Variants in PRRX2 observed in about 807,000 individuals in gnomAD.
PRRX2 encodes the protein paired mesoderm homeobox protein 2.
In PRRX2, 11 loss-of-function variants were observed where a neutral mutation model predicts 18.0. That is an observed-to-expected ratio of 0.61 (90% confidence interval 0.39 to 1.01). The LOEUF is 1.01. Among genes scored for constraint, PRRX2 ranks in the 50% least tolerant of loss-of-function variants. The pLI is 0.01. For synonymous variants in PRRX2, 177 were observed against 154.8 expected (o/e 1.14, Z -1.06); for missense variants, 387 against 351.0 (o/e 1.10, Z -0.82).
chr9:129,716,101 G>A (rs1832703882), intron 1 of PRRX2, among the ~76,000 whole-genome samples: 2 of 152,162 alleles, frequency 1.3e-5, no homozygotes, highest in Non-Finnish European at 2.9e-5. Context: ...CCCGGCCGGT[G>A]GGAATGCAAA....
intron 1 of PRRX2, among the ~76,000 whole-genome samples, chr9:129,714,826 C>T (rs1832681956): frequency 6.6e-6 from 1 of 152,144 alleles, no homozygotes; most frequent in Non-Finnish European, 1.5e-5. Context: ...GGCTGAAATG[C>T]CTCCTGTGTT....
At chr9:129,714,808 C>T (rs1484237999) in intron 1 of PRRX2, among the ~76,000 whole-genome samples, 1 of 152,180 alleles carries the variant, frequency 6.6e-6, no homozygotes, top group Non-Finnish European at 1.5e-5. Context: ...GAAAATGTCT[C>T]CTTTTTTGGC....
chr9:129,697,560 A>G (rs1267985294), intron 1 of PRRX2, among the ~76,000 whole-genome samples: 2 of 151,032 alleles, frequency 1.3e-5, no homozygotes, highest in Non-Finnish European at 3.0e-5. Context: ...TGGCGCGCAC[A>G]TGGCCGGGCT....
rs1165343797 is a variant in PRRX2 at position 129,684,532 on chromosome 9, A to ACACACACACACACACACACACACC, written c.259+18407_259+18408insACACACACACACACACACACACCC. ...CACACACACACACACACCCACACAC[A>ACACACACACACACACACACACACC]CCCCAACAGAAAAGAGACCAGAAAT... On this transcript the variant is annotated intron_variant, in intron 1 of 3. Coordinates refer to ENST00000372469, the MANE Select transcript of PRRX2 (RefSeq NM_016307.4). Among the ~76,000 whole-genome samples, 163 of 140,354 alleles carry ACACACACACACACACACACACACC rather than the reference A, an allele frequency of 1.2e-3. 3 individuals carry two copies. The highest frequency in any genetic ancestry group is 1.8e-3 in the Non-Finnish European group (120 of 65,776). 92.1% of individuals were successfully genotyped at this position (140,354 alleles called of 152,430 possible).
intron 1 of PRRX2, chr9:129,718,477 C>T (rs559929344): frequency 2.0e-5 from 3 of 152,342 alleles, no homozygotes; most frequent in African/African-American, 7.2e-5. Flanking sequence ...CCCCGGCCCC[C>T]AGTACAGCCT....
chr9:129,677,326 G>T (rs1411390301), intron 1 of PRRX2, among the ~76,000 whole-genome samples: 3 of 152,250 alleles, frequency 2.0e-5, no homozygotes, highest in African/African-American at 7.2e-5. Flanking sequence ...GGCTTAGAAG[G>T]ATAAAGTGAC....
intron 1 of PRRX2, among the ~76,000 whole-genome samples, chr9:129,678,352 A>G (rs971284649): frequency 5.9e-5 from 9 of 152,052 alleles, no homozygotes; most frequent in Non-Finnish European, 1.3e-4. Context: ...TCCTTCCACA[A>G]ATATTGTTGA....
At chr9:129,699,471 G>GTA (rs1554724075) in intron 1 of PRRX2, among the ~76,000 whole-genome samples, 1 of 148,586 alleles carries the variant, frequency 6.7e-6, no homozygotes, top group African/African-American at 2.5e-5. Context: ...GTGTGTGTGT[G>GTA]TATACATATA....
chr9:129,712,394 A>G (rs1832635657), intron 1 of PRRX2, among the ~76,000 whole-genome samples: 1 of 152,196 alleles, frequency 6.6e-6, no homozygotes, highest in Admixed American at 6.5e-5. Context: ...CTTAGGAAGA[A>G]TCTGCAGTTA....
rs1832411285 is a variant in PRRX2 at position 129,695,614 on chromosome 9, CCCACGCTGCTCTTCCTCCAGGCCCCCG to C, written c.260-23612_260-23586del. 6.6e-6 allele frequency among the ~76,000 whole-genome samples: 1 copy of C among 152,198 alleles called. No homozygotes were observed. Among genetic ancestry groups the C allele is most frequent in the East Asian group, 1.9e-4 (1 of 5,184 alleles). On this transcript the variant is annotated intron_variant, in intron 1 of 3. Transcript: ENST00000372469. The surrounding 1 kb of genome is among the most constrained non-coding windows in gnomAD (Gnocchi z 4.8). ...GCTGGCAGGCACCTCCCTTTCCTGG[CCCACGCTGCTCTTCCTCCAGGCCCCCG>C]CCACCCCAAACCTTTAACAGGAGAC...
chr9:129,684,471 G>T (rs1451251535), intron 1 of PRRX2, among the ~76,000 whole-genome samples: 6 of 61,050 alleles, frequency 9.8e-5, no homozygotes, highest in Non-Finnish European at 1.5e-4. Context: ...CAACAGAAAA[G>T]ATACCAGAAA....
At chr9:129,685,148 A>G (rs1832286588) in intron 1 of PRRX2, among the ~76,000 whole-genome samples, 1 of 152,052 alleles carries the variant, frequency 6.6e-6, no homozygotes, top group African/African-American at 2.4e-5. Context: ...AGGGGTCATC[A>G]CCACCCTACC....
rs574215747 is a variant in PRRX2 at position 129,711,441 on chromosome 9, C to T, written c.260-7790C>T. On this transcript the variant is annotated intron_variant, in intron 1 of 3. Coordinates refer to ENST00000372469, the MANE Select transcript of PRRX2 (RefSeq NM_016307.4). ...TTTTTTTTGAGACAGAGTCTTGCTT[C>T]GTTGCCCAGGCTGGAGTGCAGTGAC... Among the ~76,000 whole-genome samples the T allele has an allele frequency of 4.1e-3, 468 of 113,868 alleles. 1 individual carries two copies. Among genetic ancestry groups the T allele is most frequent in the Non-Finnish European group, 5.1e-3 (305 of 60,292 alleles). 74.7% of individuals were successfully genotyped at this position (113,868 alleles called of 152,430 possible). A position where few individuals can be genotyped will look rare whatever the true frequency, so the allele number is the denominator to read the frequency against.
chr9:129,699,942 A>C (rs1158555463), intron 1 of PRRX2, among the ~76,000 whole-genome samples: 1 of 152,136 alleles, frequency 6.6e-6, no homozygotes, highest in East Asian at 1.9e-4. Context: ...CAGCATCCCA[A>C]GTCTCCACCA....
chr9:129,713,291 T>C (rs1429059847), intron 1 of PRRX2: 1 of 152,038 alleles, frequency 6.6e-6, no homozygotes. Context: ...TTAAGGGGAG[T>C]GAACATTTAT....
At chr9:129,674,226 C>A (rs1414452450) in intron 1 of PRRX2, among the ~76,000 whole-genome samples, 1 of 152,186 alleles carries the variant, frequency 6.6e-6, no homozygotes, top group African/African-American at 2.4e-5. Context: ...GTTGTTTGTG[C>A]CCAGCCAGGC....
chr9:129,683,565 C>T (rs1045096703), intron 1 of PRRX2, among the ~76,000 whole-genome samples: 4 of 152,024 alleles, frequency 2.6e-5, no homozygotes, highest in African/African-American at 9.7e-5. Flanking sequence ...GAAACCCTGT[C>T]TCTACTAAAA....
At chr9:129,714,404 A>T (rs1832677172) in intron 1 of PRRX2, among the ~76,000 whole-genome samples, 1 of 137,042 alleles carries the variant, frequency 7.3e-6, no homozygotes, top group African/African-American at 2.6e-5. Context: ...CTCTGTCTCA[A>T]AAAAAAAAAA....
chr9:129,678,976 G>T (rs1832195384), intron 1 of PRRX2, among the ~76,000 whole-genome samples: 1 of 152,176 alleles, frequency 6.6e-6, no homozygotes, highest in Non-Finnish European at 1.5e-5. Context: ...TGCCTGAGAA[G>T]CCCAGATCCT....
Sources: allele counts gnomAD v4.1 joint callset (sites outside exome capture counted in the v4.1 genomes callset), GRCh38; gene constraint gnomAD v4.1.1; non-coding constraint Gnocchi (gnomAD v3.1); transcripts MANE v1.5; gene names NCBI Gene and HGNC (gene_info 2026-07-23, HGNC 2026-07-21).